PDS5B: variants seen among roughly 807,000 people sequenced by gnomAD.
PDS5B encodes sister chromatid cohesion protein PDS5 homolog B.
A neutral mutation model predicts 184.1 loss-of-function variants in PDS5B; 51 were observed. The ratio of observed to expected loss-of-function variants is 0.28; its 90% CI spans 0.22 to 0.35. The LOEUF (loss-of-function observed/expected upper bound fraction) is 0.35, where lower values mean the gene tolerates loss of function less well. Ranked by LOEUF, PDS5B falls within the 10% of genes least tolerant of loss-of-function variation. The pLI is 1.00. For synonymous variants in PDS5B, 566 were observed against 569.2 expected (o/e 0.99, Z 0.08); for missense variants, 1,180 against 1,723.3 (o/e 0.68, Z 5.58).
chr13:32,604,287 G>A (rs933687936), intron 1 of PDS5B, among the ~76,000 whole-genome samples: 1 of 152,148 alleles, frequency 6.6e-6, no homozygotes, highest in African/African-American at 2.4e-5. Context: ...TAGCATGAAG[G>A]GCTGTTGAAT....
chr13:32,642,972 G>GT (rs1390664276), intron 1 of PDS5B, among the ~76,000 whole-genome samples: 1 of 152,050 alleles, frequency 6.6e-6, no homozygotes, highest in Admixed American at 6.6e-5. Context: ...TTGCTCTGTA[G>GT]TTTCTGCTGT....
intron 1 of PDS5B, among the ~76,000 whole-genome samples, chr13:32,611,734 C>T (rs113134537): frequency 0.043 from 6,563 of 151,998 alleles, 220 homozygotes; most frequent in Non-Finnish European, 0.059. Flanking sequence ...GTCTTGAACT[C>T]CTGGGCTCAA....
intron 13 of PDS5B, chr13:32,690,289 G>A (rs1951512612): frequency 6.6e-6 from 1 of 152,200 alleles, no homozygotes; most frequent in Admixed American, 6.6e-5. Context: ...CCATGCCTGG[G>A]CAGGGCTGGA....
At chr13:32,628,044 C>T (rs1182283634) in intron 1 of PDS5B, among the ~76,000 whole-genome samples, 1 of 152,018 alleles carries the variant, frequency 6.6e-6, no homozygotes, top group African/African-American at 2.4e-5. Flanking sequence ...ATTTAAAGTT[C>T]AGTTTTAAGG....
At chr13:32,719,338 A>G (rs1952587790) in intron 19 of PDS5B, among the ~76,000 whole-genome samples, 1 of 151,944 alleles carries the variant, frequency 6.6e-6, no homozygotes, top group Admixed American at 6.6e-5. Flanking sequence ...ATATGCCACC[A>G]TGCTTGTCTA....
intron 1 of PDS5B, among the ~76,000 whole-genome samples, chr13:32,613,046 C>G (rs1467993276): frequency 6.6e-6 from 1 of 152,148 alleles, no homozygotes; most frequent in African/African-American, 2.4e-5. Context: ...CGCAGTTTTC[C>G]AAAGTTCACT....
intron 2 of PDS5B, chr13:32,650,070 C>G (rs541898719): frequency 6.6e-6 from 1 of 152,152 alleles, no homozygotes; most frequent in Non-Finnish European, 1.5e-5. Flanking sequence ...TAAAACTGAT[C>G]AGCATTAGTG....
At chr13:32,703,952 C>G (rs1951933780) in intron 17 of PDS5B, among the ~76,000 whole-genome samples, 1 of 151,790 alleles carries the variant, frequency 6.6e-6, no homozygotes, top group Non-Finnish European at 1.5e-5. Flanking sequence ...TTGTCTTTTT[C>G]TTATTGATTA....
intron 24 of PDS5B, among the ~76,000 whole-genome samples, chr13:32,751,191 G>A (rs1224139877): frequency 6.6e-6 from 1 of 152,076 alleles, no homozygotes; most frequent in African/African-American, 2.4e-5. Context: ...CCATATTGCT[G>A]CAAAAAGCAC....
At chr13:32,752,324 A>G (rs544760696) in intron 24 of PDS5B, among the ~76,000 whole-genome samples, 9 of 152,160 alleles carry the variant, frequency 5.9e-5, no homozygotes, top group Non-Finnish European at 1.2e-4. Flanking sequence ...AAAACGCGTA[A>G]TATATATAGG....
intron 1 of PDS5B, among the ~76,000 whole-genome samples, chr13:32,592,102 G>A (rs2057785098): frequency 6.6e-6 from 1 of 152,106 alleles, no homozygotes; most frequent in African/African-American, 2.4e-5. Flanking sequence ...TGTACCATCT[G>A]CTTATCCTGT....
chr13:32,608,612 G>C lies in PDS5B; in HGVS notation c.-20+22019G>C, dbSNP rs962573770. On this transcript the variant is annotated intron_variant, in intron 1 of 34. Transcript: ENST00000315596. ...GATCATGGTTAAGCTGGAACCTACA[G>C]AGATTTGGAAGTCATGGAAGTGAGC... Among the ~76,000 whole-genome samples, 5 of 152,190 alleles carry C rather than the reference G, an allele frequency of 3.3e-5. 1 individual carries two copies.
intron 26 of PDS5B, among the ~76,000 whole-genome samples, chr13:32,756,363 G>A (rs1183468934): frequency 1.3e-5 from 2 of 152,132 alleles, no homozygotes; most frequent in Non-Finnish European, 2.9e-5. Context: ...CTCTGTAGAA[G>A]GAGAATGGTC....
chr13:32,605,340 A>AT (rs754390809), intron 1 of PDS5B, among the ~76,000 whole-genome samples: 2 of 152,298 alleles, frequency 1.3e-5, no homozygotes, highest in East Asian at 3.9e-4. Flanking sequence ...CCCAGTAGTC[A>AT]TTCAGGAGCT....
chr13:32,694,522 GA>G (rs1951647737), intron 14 of PDS5B, among the ~76,000 whole-genome samples: 1 of 151,866 alleles, frequency 6.6e-6, no homozygotes, highest in African/African-American at 2.4e-5. Context: ...CAACATTACA[GA>G]GAGTGTGGGT....
Position 32,770,362 on chromosome 13 carries a change from A to G in PDS5B, c.3866A>G (p.Lys1289Arg). The change falls in exon 32 of 35, where the codon AAA (lysine) becomes AGA (arginine). Residue 1289 changes from lysine (K) to arginine (R), a missense_variant. Coordinates refer to ENST00000315596, the MANE Select transcript of PDS5B (RefSeq NM_015032.4). ...DEQNSPPKKG[K>R]RGRPPKPLGG... ...CAGAATAGTCCGCCAAAAAAGGGTA[A>G]AAGAGGCCGACCACCAAAACCTCTT... 1 of 1,613,792 alleles carries G rather than the reference A, an allele frequency of 6.2e-7. No individual in the cohort carries two copies. The highest frequency in any genetic ancestry group is 8.5e-7 in the Non-Finnish European group (1 of 1,179,962).
At chr13:32,707,800 A>AATG (rs898583593) in intron 18 of PDS5B, among the ~76,000 whole-genome samples, 59 of 151,528 alleles carry the variant, frequency 3.9e-4, no homozygotes, top group African/African-American at 1.3e-3. Context: ...AAATAATAAT[A>AATG]AACATTTTTG....
intron 1 of PDS5B, among the ~76,000 whole-genome samples, chr13:32,624,368 C>T (rs2058342834): frequency 6.6e-6 from 1 of 151,944 alleles, no homozygotes; most frequent in South Asian, 2.1e-4. Context: ...TGGGTAGTTT[C>T]TTCAGTTACT....
chr13:32,606,734 A>G (rs1275452458), intron 1 of PDS5B, among the ~76,000 whole-genome samples: 1 of 152,190 alleles, frequency 6.6e-6, no homozygotes, highest in Non-Finnish European at 1.5e-5. Context: ...CTTTTCACAT[A>G]GTCCCATATT....
Sources: gnomAD v4.1 joint callset for allele counts (sites outside exome capture counted in the v4.1 genomes callset) on GRCh38, gnomAD v4.1.1 for gene constraint, MANE v1.5 for transcripts, NCBI Gene and HGNC (gene_info 2026-07-23, HGNC 2026-07-21) for gene names.